The following SLC44A5 variants were observed in gnomAD, a reference collection of about 807,000 sequenced individuals.
SLC44A5 encodes solute carrier family 44 member 5, also known as choline transporter-like protein 5.
A neutral mutation model predicts 101.8 loss-of-function variants in SLC44A5; 57 were observed. The ratio of observed to expected loss-of-function variants is 0.56; its 90% CI spans 0.45 to 0.70. The LOEUF (loss-of-function observed/expected upper bound fraction) is 0.70. SLC44A5 is among the 30% of genes least tolerant of loss of function. SLC44A5 has a pLI of 0.00. For missense variants in SLC44A5, 737 were observed against 853.1 expected (o/e 0.86, Z 1.70); for synonymous variants, 281 against 290.9 (o/e 0.97, Z 0.35).
chr1:75,467,005 C>T lies in SLC44A5; in HGVS notation c.14-70384G>A, dbSNP rs559026389. On this transcript the variant is annotated intron_variant, in intron 2 of 23. Transcript: ENST00000370859. Reference sequence around the variant, plus strand: ...GTAAAGTTGCAAGATACAAAATCAACGTACGAAAATCGGTAACATTTCTAT... The same window carrying T: ...GTAAAGTTGCAAGATACAAAATCAATGTACGAAAATCGGTAACATTTCTAT... Among the ~76,000 whole-genome samples the T allele has an allele frequency of 3.1e-4, 47 of 152,028 alleles. No individual in the cohort carries two copies. The South Asian group carries it at 9.4e-3, about 30-fold the overall frequency.
chr1:75,302,883 G>A (rs1654606787), intron 4 of SLC44A5, among the ~76,000 whole-genome samples: 4 of 152,122 alleles, frequency 2.6e-5, no homozygotes, highest in Non-Finnish European at 1.5e-5. Context: ...TGCTGGGTGG[G>A]ACAGAGTTTG....
At chr1:75,608,514 G>A (rs1675459160) in intron 1 of SLC44A5, among the ~76,000 whole-genome samples, 1 of 151,924 alleles carries the variant, frequency 6.6e-6, no homozygotes, top group African/African-American at 2.4e-5. Context: ...TAAAATGTAA[G>A]TCAGATCATA....
At chr1:75,707,971 G>A in the SLC44A5 span, among the ~76,000 whole-genome samples, 1 of 152,074 alleles carries the variant, frequency 6.6e-6, no homozygotes, top group African/African-American at 2.4e-5. Flanking sequence ...AACTTGTATG[G>A]TATTTGACAT....
chr1:75,245,667 C>T (rs914752576), intron 7 of SLC44A5, among the ~76,000 whole-genome samples: 1 of 152,044 alleles, frequency 6.6e-6, no homozygotes, highest in Non-Finnish European at 1.5e-5. Flanking sequence ...GTATACTACA[C>T]ATAGAAAAGT....
intron 4 of SLC44A5, 28 bp from the exon 5 acceptor site, chr1:75,300,713 T>A: frequency 6.7e-7 from 1 of 1,485,786 alleles, no homozygotes; most frequent in Non-Finnish European, 9.1e-7. Context: ...AATAAATAAT[T>A]AAAAGAGGTC....
At chr1:75,454,552 A>G (rs766666954) in intron 2 of SLC44A5, among the ~76,000 whole-genome samples, 2 of 152,116 alleles carry the variant, frequency 1.3e-5, no homozygotes, top group Non-Finnish European at 2.9e-5. Flanking sequence ...AGCCAGAGCA[A>G]TCAGATAAGA....
chr1:75,239,403 T>A (rs758890692), intron 9 of SLC44A5, among the ~76,000 whole-genome samples: 4 of 151,892 alleles, frequency 2.6e-5, no homozygotes, highest in Non-Finnish European at 4.4e-5. Context: ...ATTTTCATAT[T>A]TTTTTTTCTT....
Position 75,434,665 on chromosome 1 carries a change from C to A in SLC44A5, c.14-38044G>T, listed in dbSNP as rs529186036. Among the ~76,000 whole-genome samples the A allele has an allele frequency of 2.6e-5, 4 of 152,100 alleles. 1 individual carries two copies. The highest frequency in any genetic ancestry group is 2.6e-4 in the Admixed American group (4 of 15,258). ...GCCGGGTCCTAACCTACTGTTTTGC[C>A]TGATCTCCCTCCCACCTCACGCCTC... On this transcript the variant is annotated intron_variant, in intron 2 of 23. Coordinates refer to ENST00000370859, the MANE Select transcript of SLC44A5 (RefSeq NM_001130058.2).
Position 75,222,442 on chromosome 1 carries a change from A to G in SLC44A5, c.1004T>C (p.Ile335Thr), listed in dbSNP as rs1557541875. The change falls in exon 14 of 24, where the codon ATT (isoleucine) becomes ACT (threonine). Residue 335 changes from isoleucine (I) to threonine (T), a missense_variant. By Grantham distance (89) the Ile-to-Thr change is moderately conservative. Transcript: ENST00000370859. ...WFTFMIILCI[I>T]EVIVILMLIF... ...CAGCATGAGGATGACAATCACTTCA[A>G]TGATGCAGAGTATTATCACTTTGAA... is the stretch of plus-strand genomic sequence containing the variant. 2 of 1,612,004 alleles carry G rather than the reference A, an allele frequency of 1.2e-6. No individual in the cohort carries two copies. Among genetic ancestry groups the G allele is most frequent in the Non-Finnish European group, 8.5e-7 (1 of 1,178,640 alleles).
the SLC44A5 span, among the ~76,000 whole-genome samples, chr1:75,717,697 C>T: frequency 2.6e-5 from 4 of 152,138 alleles, no homozygotes; most frequent in African/African-American, 9.7e-5. Flanking sequence ...TGGGACTCAT[C>T]CCAGCAAGGT....
intron 4 of SLC44A5, among the ~76,000 whole-genome samples, chr1:75,310,425 A>G (rs1403525478): frequency 6.6e-6 from 1 of 152,128 alleles, no homozygotes; most frequent in Non-Finnish European, 1.5e-5. Flanking sequence ...TTATTTAGGG[A>G]AGAAAGTCCC....
chr1:75,442,131 T>C (rs1435081694), intron 2 of SLC44A5, among the ~76,000 whole-genome samples: 3 of 152,220 alleles, frequency 2.0e-5, no homozygotes, highest in East Asian at 3.9e-4. Context: ...AAGGACAAAG[T>C]TTAAATCTGA....
At chr1:75,630,241 T>G in the SLC44A5 span, among the ~76,000 whole-genome samples, 2 of 152,206 alleles carry the variant, frequency 1.3e-5, no homozygotes, top group Non-Finnish European at 2.9e-5. Context: ...AATTGGCTTG[T>G]CTGCCTCTTT....
At chr1:75,525,708 ATG>A (rs1192382401) in intron 2 of SLC44A5, among the ~76,000 whole-genome samples, 2 of 152,166 alleles carry the variant, frequency 1.3e-5, no homozygotes, top group African/African-American at 4.8e-5. Context: ...TTATATTATC[ATG>A]TGTGTGGGTA....
the SLC44A5 span, among the ~76,000 whole-genome samples, chr1:75,716,963 G>A: frequency 6.6e-5 from 10 of 152,014 alleles, no homozygotes; most frequent in Non-Finnish European, 1.3e-4. Context: ...GAACCCGGGA[G>A]GCAGAAGTTG....
chr1:75,230,819 G>A (rs887024143), intron 12 of SLC44A5, among the ~76,000 whole-genome samples: 3 of 152,102 alleles, frequency 2.0e-5, no homozygotes, highest in South Asian at 2.1e-4. Context: ...GTTTCACCAC[G>A]TTAGCCAGGT....
the SLC44A5 span, among the ~76,000 whole-genome samples, chr1:75,676,592 T>C: frequency 6.6e-6 from 1 of 152,196 alleles, no homozygotes; most frequent in South Asian, 2.1e-4. Flanking sequence ...TAATGCATAC[T>C]GGGCTTTATA....
intron 5 of SLC44A5, among the ~76,000 whole-genome samples, chr1:75,278,029 T>C (rs902600981): frequency 6.6e-6 from 1 of 152,174 alleles, no homozygotes; most frequent in African/African-American, 2.4e-5. Flanking sequence ...TTTCTATTCA[T>C]GGAACATCCA....
At chr1:75,525,630 G>A (rs997717287) in intron 2 of SLC44A5, among the ~76,000 whole-genome samples, 1 of 152,110 alleles carries the variant, frequency 6.6e-6, no homozygotes, top group Non-Finnish European at 1.5e-5. Flanking sequence ...AAAAGAGAGA[G>A]AATGAGAGAG....
Sources: gnomAD v4.1 joint callset for allele counts (sites outside exome capture counted in the v4.1 genomes callset) on GRCh38, gnomAD v4.1.1 for gene constraint, MANE v1.5 for transcripts, NCBI Gene and HGNC (gene_info 2026-07-23, HGNC 2026-07-21) for gene names.